SMU1: variants seen among roughly 807,000 people sequenced by gnomAD.
SMU1 encodes WD40 repeat-containing protein SMU1.
Under a neutral mutation model 62.0 loss-of-function variants are expected in SMU1, and 2 were observed. The ratio of observed to expected loss-of-function variants is 0.03; its 90% CI spans 0.01 to 0.10. The LOEUF (loss-of-function observed/expected upper bound fraction) is 0.10. SMU1 is among the 10% of genes least tolerant of loss of function. The pLI is 1.00. For missense variants in SMU1, 227 were observed against 622.1 expected (o/e 0.36, Z 6.76); for synonymous variants, 188 against 212.4 (o/e 0.89, Z 1.00).
chr9:33,056,026 A>G, intron 9 of SMU1, 87 bp downstream of exon 9: 2 of 1,359,702 alleles, frequency 1.5e-6, no homozygotes, highest in Non-Finnish European at 2.0e-6. Context: ...ACTACAGCAC[A>G]ATCATTCCCA....
At chr9:33,076,530 C>G (rs1839548017) in intron 1 of SMU1, 53 bp downstream of exon 1, 16 of 1,610,232 alleles carry the variant, frequency 9.9e-6, no homozygotes, top group Non-Finnish European at 1.3e-5. Context: ...CGCCCCACAC[C>G]CTTAACCTCC....
chr9:33,071,442 G>A (rs564653758), intron 3 of SMU1, among the ~76,000 whole-genome samples: 1 of 152,236 alleles, frequency 6.6e-6, no homozygotes, highest in African/African-American at 2.4e-5. Context: ...CAGCACTTCG[G>A]GGAGGGCTAA....
intron 1 of SMU1, among the ~76,000 whole-genome samples, chr9:33,075,901 T>A (rs1839539665): frequency 6.6e-6 from 1 of 152,142 alleles, no homozygotes; most frequent in South Asian, 2.1e-4. Context: ...CCCTATTCCT[T>A]GAAAATTTTT....
chr9:33,051,884 G>A (rs1034366320), intron 10 of SMU1, among the ~76,000 whole-genome samples: 3 of 151,920 alleles, frequency 2.0e-5, no homozygotes, highest in Admixed American at 1.3e-4. Context: ...GAGTGACCCC[G>A]TCTCTACTAG....
intron 5 of SMU1, 120 bp downstream of exon 5, chr9:33,061,929 C>T (rs1309954063): frequency 7.4e-6 from 8 of 1,080,840 alleles, no homozygotes; most frequent in Non-Finnish European, 1.1e-5. Context: ...TGAATATTGT[C>T]AGAGCTGGAG....
chr9:33,051,094 C>A, intron 10 of SMU1, among the ~76,000 whole-genome samples: 1 of 83,938 alleles, frequency 1.2e-5, no homozygotes, highest in African/African-American at 4.4e-5. Flanking sequence ...GCACTCCAGC[C>A]TGGGCGACAG....
At position 33,063,818 on chromosome 9, in the gene SMU1, G is replaced by A. The variant is rs1162099924; in HGVS notation, c.502-1641C>T. Among the ~76,000 whole-genome samples, 7 of 151,180 alleles carry A rather than the reference G, an allele frequency of 4.6e-5. 1 individual carries two copies. Among genetic ancestry groups the A allele is most frequent in the Admixed American group, 3.3e-4 (5 of 15,176 alleles). ...CCCCACCACCATCTGTGGAAAAATC[G>A]TCTTCCACGAAACCAGTCTTTGGTG... On this transcript the variant is annotated intron_variant, in intron 4 of 11. Coordinates refer to ENST00000397149, the MANE Select transcript of SMU1 (RefSeq NM_018225.3).
chr9:33,075,275 G>A (rs1291819424), intron 1 of SMU1, among the ~76,000 whole-genome samples: 1 of 152,148 alleles, frequency 6.6e-6, no homozygotes, highest in Non-Finnish European at 1.5e-5. Flanking sequence ...TACTCGGGAG[G>A]CTGAGGCAGG....
intron 2 of SMU1, 91 bp from the exon 3 acceptor site, chr9:33,071,983 G>A (rs1408776268): frequency 6.3e-6 from 8 of 1,267,858 alleles, no homozygotes; most frequent in African/African-American, 1.6e-5. Context: ...ACACAGATAT[G>A]GCCTGTCAAA....
intron 5 of SMU1, among the ~76,000 whole-genome samples, chr9:33,061,589 A>T (rs920600775): frequency 1.3e-5 from 2 of 152,162 alleles, no homozygotes; most frequent in Non-Finnish European, 2.9e-5. Flanking sequence ...AAAAATAAAT[A>T]AAAAATTTTA....
In SMU1 at chr9:33,068,747, C is replaced by T. The variant is rs1467174734; in HGVS notation, c.501+77G>A. On this transcript the variant is annotated intron_variant, in intron 4 of 11. Coordinates refer to ENST00000397149, the MANE Select transcript of SMU1 (RefSeq NM_018225.3). ...CTCCAACTACTAGGCTCAAGTGATT[C>T]TCCTGCCTCAGCCTCCCAAAGTGCA... 5 of 1,530,416 alleles carry T rather than the reference C, an allele frequency of 3.3e-6. No individual in the cohort carries two copies. The East Asian group carries it at 9.2e-5, about 28-fold the overall frequency. The allele number at this position is 1,530,416 out of a possible 1,614,324, so 94.8% of individuals were successfully genotyped here. A position where few individuals can be genotyped will look rare whatever the true frequency, so the allele number is the denominator to read the frequency against.
chr9:33,069,556 TTTCGGGGGCTGAGGCTGGCAGA>T (rs1320207432), intron 3 of SMU1, among the ~76,000 whole-genome samples: 4 of 152,164 alleles, frequency 2.6e-5, no homozygotes, highest in Non-Finnish European at 1.5e-5. Flanking sequence ...ATCCCAACAT[TTTCGGGGGCTGAGGCTGGCAGA>T]TCACCCGAGG....
intron 4 of SMU1, among the ~76,000 whole-genome samples, chr9:33,065,205 C>T (rs770532176): frequency 3.3e-5 from 5 of 152,146 alleles, no homozygotes; most frequent in Non-Finnish European, 7.3e-5. Context: ...CTTGTATGTC[C>T]CACAGGAACT....
intron 3 of SMU1, among the ~76,000 whole-genome samples, chr9:33,069,270 T>C (rs1839460364): frequency 6.6e-6 from 1 of 152,216 alleles, no homozygotes; most frequent in African/African-American, 2.4e-5. Flanking sequence ...CTTCCAGTTT[T>C]TGAAAAATTT....
intron 2 of SMU1, among the ~76,000 whole-genome samples, chr9:33,073,120 T>G (rs1281482651): frequency 6.6e-6 from 1 of 152,054 alleles, no homozygotes; most frequent in Non-Finnish European, 1.5e-5. Flanking sequence ...GATTAGAAAG[T>G]TGAGGCTCTC....
Position 33,076,643 on chromosome 9 carries a change from C to T in SMU1, c.-35G>A. The T allele has an allele frequency of 1.2e-6, 2 of 1,613,702 alleles. No homozygotes were observed. The highest frequency in any genetic ancestry group is 1.6e-4 in the Middle Eastern group (1 of 6,062). Reference sequence around the variant, plus strand: ...TCTCCGGGAGCAGGCCCCAGCTCTCCCTCAAGGCCAGTCGCGCAACACACC... The same window carrying T: ...TCTCCGGGAGCAGGCCCCAGCTCTCTCTCAAGGCCAGTCGCGCAACACACC... On this transcript the variant is annotated 5_prime_UTR_variant, in exon 1 of 12. Coordinates refer to ENST00000397149, the MANE Select transcript of SMU1 (RefSeq NM_018225.3).
chr9:33,047,395 G>C lies in SMU1; in HGVS notation c.1444-4C>G. On this transcript the variant is annotated splice_polypyrimidine_tract_variant and splice_region_variant and intron_variant, in intron 11 of 11. Coordinates refer to ENST00000397149, the MANE Select transcript of SMU1 (RefSeq NM_018225.3). ...CAATCACATCCTTCTCGTGCACCTG[G>C]AACATGTAAAGCACAGGGTTAGGAT... 6.2e-7 allele frequency: 1 copy of C among 1,613,010 alleles called. No individual in the cohort carries two copies. The highest frequency in any genetic ancestry group is 8.5e-7 in the Non-Finnish European group (1 of 1,179,282).
intron 6 of SMU1, among the ~76,000 whole-genome samples, chr9:33,059,068 G>T (rs1839333939): frequency 6.6e-6 from 1 of 152,244 alleles, no homozygotes; most frequent in African/African-American, 2.4e-5. Flanking sequence ...ATTTATAAGA[G>T]AAATAGAATT....
In SMU1 at chr9:33,042,031, A is replaced by T. The variant is rs1341540853; in HGVS notation, c.*5262T>A. The T allele has an allele frequency of 2.6e-5, 4 of 152,386 alleles. No homozygotes were observed. In the East Asian group the frequency reaches 7.7e-4, roughly 29 times the overall value. 9.4% of individuals were successfully genotyped at this position (152,386 alleles called of 1,614,324 possible). A position where few individuals can be genotyped will look rare whatever the true frequency, so the allele number is the denominator to read the frequency against. ...ACAATAGTGGTTGCGTAACATCGTAAATAATGCCACTGAATTGCACAATTG... is the reference window on the plus strand; with the variant it reads ...ACAATAGTGGTTGCGTAACATCGTATATAATGCCACTGAATTGCACAATTG... On this transcript the variant is annotated 3_prime_UTR_variant, in exon 12 of 12. Transcript: ENST00000397149.
Sources: gnomAD v4.1 joint callset for allele counts (sites outside exome capture counted in the v4.1 genomes callset) on GRCh38, gnomAD v4.1.1 for gene constraint, MANE v1.5 for transcripts, NCBI Gene and HGNC (gene_info 2026-07-23, HGNC 2026-07-21) for gene names.